Variants in TFPI observed in about 807,000 individuals in gnomAD.
TFPI encodes tissue factor pathway inhibitor.
In TFPI, 15 loss-of-function variants were observed where a neutral mutation model predicts 34.6. That is an observed-to-expected ratio of 0.43 (90% confidence interval 0.29 to 0.67). The LOEUF (loss-of-function observed/expected upper bound fraction) is 0.67. TFPI is among the 30% of genes least tolerant of loss of function. The pLI, the probability that TFPI is intolerant of heterozygous loss-of-function variation, is 0.15. For synonymous variants in TFPI, 105 were observed against 120.1 expected (o/e 0.87, Z 0.82); for missense variants, 301 against 364.0 (o/e 0.83, Z 1.41).
intron 1 of TFPI, chr2:187,514,773 T>G (rs1686881221): frequency 6.6e-6 from 1 of 152,236 alleles, no homozygotes; most frequent in African/African-American, 2.4e-5. Context: ...GAGAAGCCCC[T>G]TATGGGCCTT....
intron 3 of TFPI, among the ~76,000 whole-genome samples, chr2:187,490,996 TACA>T (rs1685087344): frequency 1.3e-5 from 2 of 151,836 alleles, no homozygotes; most frequent in African/African-American, 4.8e-5. Context: ...CTCAGAACTT[TACA>T]ACAATAATCT....
chr2:187,538,480 CA>C (rs1168965832), intron 1 of TFPI, among the ~76,000 whole-genome samples: 3 of 152,182 alleles, frequency 2.0e-5, no homozygotes, highest in African/African-American at 7.2e-5. Context: ...CAAACTAACA[CA>C]GGAACAGAAA....
At chr2:187,511,758 G>A (rs1202169339) in intron 1 of TFPI, among the ~76,000 whole-genome samples, 2 of 151,964 alleles carry the variant, frequency 1.3e-5, no homozygotes, top group Non-Finnish European at 1.5e-5. Context: ...TTTTAGATCC[G>A]CCTCACAGTG....
At chr2:187,553,818 T>A (rs997029867) in intron 1 of TFPI, among the ~76,000 whole-genome samples, 9 of 152,212 alleles carry the variant, frequency 5.9e-5, no homozygotes, top group African/African-American at 2.2e-4. Context: ...CTATTTTATA[T>A]GTTATGAAAT....
chr2:187,537,285 A>C (rs1303895507), intron 1 of TFPI, among the ~76,000 whole-genome samples: 1 of 152,236 alleles, frequency 6.6e-6, no homozygotes, highest in South Asian at 2.1e-4. Flanking sequence ...AGCCAAGACA[A>C]TCCTAAGCAA....
At chr2:187,523,803 T>C (rs12465456) in intron 1 of TFPI, among the ~76,000 whole-genome samples, 8,047 of 152,182 alleles carry the variant, frequency 0.053, 250 homozygotes, top group Admixed American at 0.097. Context: ...TTTTAAGTAA[T>C]TCAATCATTC....
rs118056001 is a variant in TFPI, at chr2:187,532,518, G to T, written c.-3+21682C>A. On this transcript the variant is annotated intron_variant, in intron 1 of 7. Transcript: ENST00000233156. ...CCCTAGCCAAGGGAAGCCGTGAGGGGCTGTGCCATGAAGAACAGTGCATTC... is the reference window on the plus strand; with the variant it reads ...CCCTAGCCAAGGGAAGCCGTGAGGGTCTGTGCCATGAAGAACAGTGCATTC... 3.0e-4 allele frequency among the ~76,000 whole-genome samples: 45 copies of T among 152,334 alleles called. No individual in the cohort carries two copies. The East Asian group carries it at 8.7e-3, about 29-fold the overall frequency.
chr2:187,516,477 C>A (rs1309178864), intron 1 of TFPI: 1 of 152,198 alleles, frequency 6.6e-6, no homozygotes, highest in Non-Finnish European at 1.5e-5. Context: ...AAAACTTCAT[C>A]ACTACCTTAG....
intron 6 of TFPI, among the ~76,000 whole-genome samples, chr2:187,483,156 TG>T (rs1693001577): frequency 6.6e-6 from 1 of 152,006 alleles, no homozygotes; most frequent in Non-Finnish European, 1.5e-5. Context: ...CTTGCTTAGT[TG>T]TTCGTTTGTT....
intron 2 of TFPI, among the ~76,000 whole-genome samples, chr2:187,501,235 GC>G (rs1451241920): frequency 6.6e-6 from 1 of 152,004 alleles, no homozygotes. Context: ...TGAATCATTT[GC>G]CTTTGATGTC....
rs571926210 is a variant in TFPI at position 187,522,095 on chromosome 2, G to A, written c.-2-18325C>T. On this transcript the variant is annotated intron_variant, in intron 1 of 7. Transcript: ENST00000233156. ...TAAAAATTTCTGCTATTGAGTTGAAGGAGTTCCTTATGTATCTTGGAAATT... is the reference window on the plus strand; with the variant it reads ...TAAAAATTTCTGCTATTGAGTTGAAAGAGTTCCTTATGTATCTTGGAAATT... Among the ~76,000 whole-genome samples the A allele has an allele frequency of 5.3e-5, 8 of 152,168 alleles. No individual in the cohort carries two copies. The East Asian group carries it at 1.4e-3, about 26-fold the overall frequency.
At chr2:187,487,566 G>T (rs1281448778) in intron 4 of TFPI, among the ~76,000 whole-genome samples, 2 of 151,216 alleles carry the variant, frequency 1.3e-5, no homozygotes, top group African/African-American at 2.4e-5. Context: ...TAATCTCTTT[G>T]TTCAATATTT....
At chr2:187,467,994 T>C in intron 6 of TFPI, 62 bp from the exon 7 acceptor site, 1 of 1,381,582 alleles carries the variant, frequency 7.2e-7, no homozygotes, top group Non-Finnish European at 9.6e-7. Flanking sequence ...GTTTTCGTAT[T>C]GTATATTGTT....
chr2:187,505,256 G>C (rs1434363940), intron 1 of TFPI, among the ~76,000 whole-genome samples: 1 of 152,084 alleles, frequency 6.6e-6, no homozygotes, highest in African/African-American at 2.4e-5. Flanking sequence ...TTGGGGGCCT[G>C]CTGAAGCCCT....
intron 4 of TFPI, among the ~76,000 whole-genome samples, chr2:187,485,215 CTG>C (rs1417301222): frequency 6.6e-6 from 1 of 151,712 alleles, no homozygotes; most frequent in Non-Finnish European, 1.5e-5. Flanking sequence ...AGGGAATTAA[CTG>C]TCATTTTTTT....
chr2:187,477,219 T>C (rs1388664395), intron 6 of TFPI, among the ~76,000 whole-genome samples: 10 of 152,158 alleles, frequency 6.6e-5, no homozygotes, highest in Non-Finnish European at 1.3e-4. Context: ...AAGTGCCACA[T>C]TTTTGTTTCT....
intron 3 of TFPI, among the ~76,000 whole-genome samples, chr2:187,496,489 G>GT (rs1685487436): frequency 6.6e-6 from 1 of 151,912 alleles, no homozygotes; most frequent in Non-Finnish European, 1.5e-5. Context: ...ATGAGTTGAG[G>GT]TTTTTTTCTT....
At chr2:187,491,218 T>A (rs1685102521) in intron 3 of TFPI, among the ~76,000 whole-genome samples, 1 of 151,062 alleles carries the variant, frequency 6.6e-6, no homozygotes, top group South Asian at 2.1e-4. Flanking sequence ...TTTTCATAGA[T>A]TTAGGGGCTA....
chr2:187,503,817 G>A (rs752400538), intron 1 of TFPI, 47 bp from the exon 2 acceptor site: 2 of 1,596,660 alleles, frequency 1.3e-6, no homozygotes, highest in East Asian at 2.2e-5. Context: ...GTGTTAATAT[G>A]CACTCATTTA....
Sources: allele counts gnomAD v4.1 joint callset (sites outside exome capture counted in the v4.1 genomes callset), GRCh38; gene constraint gnomAD v4.1.1; transcripts MANE v1.5; gene names NCBI Gene and HGNC (gene_info 2026-07-23, HGNC 2026-07-21).